The following SH3YL1 variants were observed in gnomAD, a reference collection of about 807,000 sequenced individuals.
SH3YL1 encodes the protein SH3 domain-containing YSC84-like protein 1.
Under a neutral mutation model 45.8 loss-of-function variants are expected in SH3YL1, and 41 were observed. The ratio of observed to expected loss-of-function variants is 0.89; its 90% CI spans 0.70 to 1.16. SH3YL1 has a LOEUF of 1.16. Ranked by LOEUF, SH3YL1 falls within the 50% of genes most tolerant of loss-of-function variation. The pLI, the probability that SH3YL1 is intolerant of heterozygous loss-of-function variation, is 0.00. For synonymous variants in SH3YL1, 152 were observed against 151.4 expected (o/e 1.00, Z -0.03); for missense variants, 389 against 409.6 (o/e 0.95, Z 0.43).
In SH3YL1 at chr2:259,122, T is replaced by C. The variant is rs369904331; in HGVS notation, c.1+4862A>G. On this transcript the variant is annotated intron_variant, in intron 1 of 9. Transcript: ENST00000356150. The stretch of plus-strand genomic sequence containing the variant: ...AGTTCACCTCCTGTTCCCCTTATCT[T>C]GTGGATCTCAGACATGTCCACCATG... Among the ~76,000 whole-genome samples the C allele has an allele frequency of 1.3e-5, 2 of 152,198 alleles. 1 individual carries two copies. The highest frequency in any genetic ancestry group is 4.8e-5 in the African/African-American group (2 of 41,456).
At chr2:226,288 G>C (rs1667780401) in intron 8 of SH3YL1, among the ~76,000 whole-genome samples, 2 of 152,116 alleles carry the variant, frequency 1.3e-5, no homozygotes, top group African/African-American at 4.8e-5. Context: ...GAAATATGCT[G>C]CAATCCAAAT....
intron 1 of SH3YL1, chr2:259,952 A>C (rs1669516572): frequency 6.6e-6 from 1 of 152,106 alleles, no homozygotes; most frequent in East Asian, 1.9e-4. Context: ...TATGGCAACA[A>C]AATTTCTATA....
chr2:234,941 G>A (rs1426454863), intron 4 of SH3YL1, among the ~76,000 whole-genome samples: 3 of 152,134 alleles, frequency 2.0e-5, no homozygotes, highest in African/African-American at 7.2e-5. Flanking sequence ...GCAGTGGCGT[G>A]ATCTGAGCTC....
chr2:227,640 T>C (rs932615515), intron 8 of SH3YL1, among the ~76,000 whole-genome samples: 7 of 152,160 alleles, frequency 4.6e-5, no homozygotes, highest in African/African-American at 1.7e-4. Context: ...GAGACAAAAA[T>C]ATTCTGGCCA....
chr2:259,885 T>C (rs1669512579), intron 1 of SH3YL1: 1 of 151,816 alleles, frequency 6.6e-6, no homozygotes, highest in Non-Finnish European at 1.5e-5. Context: ...TATCAAATTA[T>C]AAAAGAACCA....
chr2:263,700 A>C (rs1669705941), intron 1 of SH3YL1: 1 of 406,836 alleles, frequency 2.5e-6, no homozygotes. Flanking sequence ...CTCGCCGTTC[A>C]AATATCAGGA....
At chr2:242,761 A>C (rs1208655540) in intron 4 of SH3YL1, 2 of 1,504,590 alleles carry the variant, frequency 1.3e-6, no homozygotes, top group Admixed American at 4.5e-5. Context: ...ATCCAATTAT[A>C]TGCTCCATAG....
intron 1 of SH3YL1, among the ~76,000 whole-genome samples, chr2:257,268 G>A (rs973617403): frequency 6.6e-6 from 1 of 152,032 alleles, no homozygotes; most frequent in Admixed American, 6.5e-5. Flanking sequence ...TGTTTTTGTT[G>A]TAATTGCTTT....
intron 8 of SH3YL1, among the ~76,000 whole-genome samples, chr2:228,295 C>T (rs569330199): frequency 6.6e-5 from 10 of 152,244 alleles, no homozygotes; most frequent in South Asian, 4.1e-4. Context: ...ACGTGGTCAC[C>T]GTGGGAAACA....
intron 3 of SH3YL1, 123 bp from the exon 4 acceptor site, chr2:247,725 C>A (rs1668891320): frequency 1.5e-6 from 1 of 681,012 alleles, no homozygotes; most frequent in Non-Finnish European, 2.4e-6. Flanking sequence ...TTGGTATTTC[C>A]CCTGATTTTA....
intron 1 of SH3YL1, among the ~76,000 whole-genome samples, chr2:258,513 T>C (rs1669453069): frequency 6.6e-6 from 1 of 152,246 alleles, no homozygotes; most frequent in Non-Finnish European, 1.5e-5. Flanking sequence ...TACTCCTTTC[T>C]AGTAAAACAG....
intron 2 of SH3YL1, among the ~76,000 whole-genome samples, chr2:251,828 AAAC>A (rs1454348353): frequency 6.6e-6 from 1 of 152,254 alleles, no homozygotes; most frequent in East Asian, 1.9e-4. Context: ...AAGATTATTA[AAAC>A]AACAACAAAT....
chr2:260,544 G>C (rs1669547168), intron 1 of SH3YL1: 1 of 152,200 alleles, frequency 6.6e-6, no homozygotes, highest in African/African-American at 2.4e-5. Context: ...GTTTCCACTT[G>C]CTGTGGGATT....
At chr2:252,506 G>A (rs886627924) in intron 2 of SH3YL1, among the ~76,000 whole-genome samples, 4 of 152,146 alleles carry the variant, frequency 2.6e-5, no homozygotes, top group African/African-American at 9.7e-5. Flanking sequence ...AAGAGGCCCT[G>A]CTGGTTTGCC....
intron 6 of SH3YL1, among the ~76,000 whole-genome samples, chr2:232,238 CTT>C (rs111324791): frequency 7.0e-5 from 10 of 142,092 alleles, no homozygotes; most frequent in Non-Finnish European, 7.7e-5. Flanking sequence ...CTTCCAGATT[CTT>C]TTTTTTTTTT....
intron 2 of SH3YL1, among the ~76,000 whole-genome samples, chr2:251,054 G>A (rs1031779905): frequency 6.6e-6 from 1 of 152,014 alleles, no homozygotes; most frequent in African/African-American, 2.4e-5. Context: ...TGCCCCTATT[G>A]GGAATATTAG....
At chr2:264,721 A>G (rs892903402), upstream of SH3YL1, 2 of 447,610 alleles carry the variant, frequency 4.5e-6, no homozygotes, top group Non-Finnish European at 4.0e-6. Flanking sequence ...CCGCCCCTGC[A>G]GGTGAACGGC....
At chr2:236,549 C>A (rs1285767527) in intron 4 of SH3YL1, among the ~76,000 whole-genome samples, 2 of 152,086 alleles carry the variant, frequency 1.3e-5, no homozygotes, top group Non-Finnish European at 2.9e-5. Context: ...GCATGCTGTG[C>A]GACCTTGGGC....
At chr2:251,704 G>T (rs987726965) in intron 2 of SH3YL1, among the ~76,000 whole-genome samples, 2 of 152,150 alleles carry the variant, frequency 1.3e-5, no homozygotes, top group African/African-American at 2.4e-5. Context: ...GCTCCCAGGG[G>T]ATGCCAAGCT....
Sources: gnomAD v4.1 joint callset for allele counts (sites outside exome capture counted in the v4.1 genomes callset) on GRCh38, gnomAD v4.1.1 for gene constraint, MANE v1.5 for transcripts, NCBI Gene and HGNC (gene_info 2026-07-23, HGNC 2026-07-21) for gene names.